SLC8A1: variants seen among roughly 807,000 people sequenced by gnomAD.
The protein encoded by SLC8A1 is solute carrier family 8 member A1, also known as sodium/calcium exchanger 1.
In SLC8A1, 18 loss-of-function variants were observed where a neutral mutation model predicts 68.3. That is an observed-to-expected ratio of 0.26 (90% CI 0.18 to 0.39). The LOEUF (loss-of-function observed/expected upper bound fraction) is 0.39. Ranked by LOEUF, SLC8A1 falls within the 10% of genes least tolerant of loss-of-function variation. The pLI, the probability that SLC8A1 is intolerant of heterozygous loss-of-function variation, is 1.00. For missense variants in SLC8A1, 985 were observed against 1,156.7 expected, an observed-to-expected ratio of 0.85 and a Z score of 2.15; for synonymous variants, 475 against 415.5, an observed-to-expected ratio of 1.14 and a Z score of -1.74.
intron 2 of SLC8A1, among the ~76,000 whole-genome samples, chr2:40,291,137 C>A (rs115230720): frequency 1.3e-5 from 2 of 152,134 alleles, no homozygotes; most frequent in Admixed American, 1.3e-4. Flanking sequence ...TTTCAGTCTT[C>A]TTATCACAAT....
chr2:40,505,905 T>G (rs1486399724), intron 1 of SLC8A1, among the ~76,000 whole-genome samples: 1 of 151,930 alleles, frequency 6.6e-6, no homozygotes, highest in East Asian at 1.9e-4. Context: ...TGACTAATCT[T>G]GAGTTAGCCT....
chr2:40,227,717 T>C (rs1404512191), intron 2 of SLC8A1, among the ~76,000 whole-genome samples: 1 of 152,028 alleles, frequency 6.6e-6, no homozygotes, highest in Admixed American at 6.6e-5. Context: ...TTAATAATAA[T>C]AATAATAAAT....
chr2:40,273,867 T>C (rs76067045), intron 2 of SLC8A1, among the ~76,000 whole-genome samples: 2 of 148,746 alleles, frequency 1.3e-5, no homozygotes, highest in Admixed American at 1.3e-4. Flanking sequence ...CCAAGTCCTT[T>C]TTTTTTTTTT....
chr2:40,187,998 T>C (rs542629955), intron 2 of SLC8A1, among the ~76,000 whole-genome samples: 1 of 152,356 alleles, frequency 6.6e-6, no homozygotes, highest in East Asian at 1.9e-4. Flanking sequence ...ACCTGGGGTC[T>C]GTTACCTACA....
chr2:40,177,590 C>A (rs1338350728), intron 3 of SLC8A1, among the ~76,000 whole-genome samples: 1 of 152,012 alleles, frequency 6.6e-6, no homozygotes, highest in East Asian at 1.9e-4. Context: ...GCCTGTTGCA[C>A]TTGTGAATTA....
At chr2:40,459,066 A>C (rs1181306039) in intron 1 of SLC8A1, among the ~76,000 whole-genome samples, 1 of 152,172 alleles carries the variant, frequency 6.6e-6, no homozygotes, top group South Asian at 2.1e-4. Flanking sequence ...CGGACCAGGC[A>C]CTGTCTCAGA....
intron 1 of SLC8A1, among the ~76,000 whole-genome samples, chr2:40,482,682 C>T (rs73926219): frequency 0.024 from 3,655 of 152,198 alleles, 152 homozygotes; most frequent in African/African-American, 0.082. Flanking sequence ...CCAGTCTTTG[C>T]TCTTTGTGCC....
chr2:40,340,064 A>T (rs931046809), intron 2 of SLC8A1, among the ~76,000 whole-genome samples: 1 of 152,170 alleles, frequency 6.6e-6, no homozygotes, highest in African/African-American at 2.4e-5. Flanking sequence ...AAAAAAACCA[A>T]AAACTTCCAA....
intron 2 of SLC8A1, among the ~76,000 whole-genome samples, chr2:40,396,065 T>C (rs1686799418): frequency 6.6e-6 from 1 of 152,130 alleles, no homozygotes; most frequent in African/African-American, 2.4e-5. Context: ...GAAAGAAAGA[T>C]AATACTTCCT....
intron 1 of SLC8A1, among the ~76,000 whole-genome samples, chr2:40,440,092 T>G (rs1700199155): frequency 1.3e-5 from 2 of 152,150 alleles, no homozygotes; most frequent in South Asian, 4.1e-4. Context: ...CACAACATTC[T>G]TACAGAAATC....
rs970529741 is a variant in SLC8A1, at chr2:40,291,436, A to G, written c.1809-113581T>C. Reference sequence around the variant, plus strand: ...GATAAGTTCCCCTGCTCATATTCCGAAAGTTTCCTAGGTTTCAAGCTGGGA... The same window carrying G: ...GATAAGTTCCCCTGCTCATATTCCGGAAGTTTCCTAGGTTTCAAGCTGGGA... On this transcript the variant is annotated intron_variant, in intron 2 of 7. Coordinates refer to ENST00000406785, the Ensembl canonical transcript of SLC8A1. Among the ~76,000 whole-genome samples the G allele has an allele frequency of 2.6e-5, 4 of 152,036 alleles. No homozygotes were observed. The East Asian group carries it at 7.7e-4, about 29-fold the overall frequency.
At chr2:40,431,630 G>T (rs190456529) in intron 1 of SLC8A1, among the ~76,000 whole-genome samples, 3 of 152,314 alleles carry the variant, frequency 2.0e-5, no homozygotes, top group African/African-American at 7.2e-5. Flanking sequence ...CCCAGGCCTT[G>T]CAGGATGGAC....
intron 2 of SLC8A1, among the ~76,000 whole-genome samples, chr2:40,322,065 A>G (rs76317868): frequency 0.042 from 6,414 of 152,174 alleles, 135 homozygotes; most frequent in South Asian, 0.086. Flanking sequence ...CAAAGTTCAC[A>G]TATTTTTAGC....
intron 2 of SLC8A1, among the ~76,000 whole-genome samples, chr2:40,407,198 T>C (rs1690645222): frequency 6.6e-6 from 1 of 152,166 alleles, no homozygotes. Context: ...CCTGAGTATC[T>C]GGGATTACAG....
intron 7 of SLC8A1, among the ~76,000 whole-genome samples, chr2:40,130,367 A>T (rs1372227050): frequency 6.6e-6 from 1 of 152,194 alleles, no homozygotes; most frequent in Admixed American, 6.5e-5. Context: ...GCTTCCTTTA[A>T]CTCTAATGAC....
At chr2:40,481,979 T>C (rs952623258) in intron 1 of SLC8A1, among the ~76,000 whole-genome samples, 5 of 152,178 alleles carry the variant, frequency 3.3e-5, no homozygotes, top group Non-Finnish European at 7.3e-5. Context: ...TACAATCATT[T>C]GAGAGGCTTG....
chr2:40,428,615 T>G, exon 2 of SLC8A1: 1 of 1,613,868 alleles, frequency 6.2e-7, no homozygotes, highest in Non-Finnish European at 8.5e-7. Flanking sequence ...TTCACCTCCA[T>G]GATGCCAATG....
intron 2 of SLC8A1, among the ~76,000 whole-genome samples, chr2:40,301,201 C>G (rs1391784276): frequency 6.6e-6 from 1 of 152,126 alleles, no homozygotes; most frequent in African/African-American, 2.4e-5. Context: ...TGAGAATTTG[C>G]TAAGTGCTCT....
At chr2:40,326,815 T>C (rs1263632396) in intron 2 of SLC8A1, among the ~76,000 whole-genome samples, 2 of 152,314 alleles carry the variant, frequency 1.3e-5, no homozygotes, top group East Asian at 3.9e-4. Flanking sequence ...TAATCTAATC[T>C]GTTTGATCCA....
Sources: allele counts gnomAD v4.1 joint callset (sites outside exome capture counted in the v4.1 genomes callset), GRCh38; gene constraint gnomAD v4.1.1; transcripts MANE v1.5; gene names NCBI Gene and HGNC (gene_info 2026-07-23, HGNC 2026-07-21).